NHEJ1: variants seen among roughly 807,000 people sequenced by gnomAD.
NHEJ1 encodes non-homologous end joining factor 1.
Under a neutral mutation model 39.4 loss-of-function variants are expected in NHEJ1, and 22 were observed. That is an observed-to-expected ratio of 0.56 (90% CI 0.40 to 0.80). NHEJ1 has a LOEUF of 0.80. NHEJ1 is among the 30% of genes least tolerant of loss of function. NHEJ1 has a pLI of 0.00. For missense variants in NHEJ1, 329 were observed against 357.1 expected, an observed-to-expected ratio of 0.92 and a Z score of 0.63; for synonymous variants, 154 against 135.6, an observed-to-expected ratio of 1.14 and a Z score of -0.94.
At chr2:219,085,093 C>A (rs908018906) in intron 5 of NHEJ1, among the ~76,000 whole-genome samples, 1 of 152,140 alleles carries the variant, frequency 6.6e-6, no homozygotes, top group Admixed American at 6.5e-5. Context: ...CTGGAAAACA[C>A]AAAAATATGA....
chr2:219,135,506 G>A (rs929044883), intron 5 of NHEJ1, among the ~76,000 whole-genome samples: 22 of 151,866 alleles, frequency 1.4e-4, no homozygotes, highest in African/African-American at 5.3e-4. Context: ...TAATTCAGGA[G>A]GCTGAGGCAG....
At chr2:219,089,062 G>A (rs756352608) in intron 5 of NHEJ1, among the ~76,000 whole-genome samples, 26 of 151,918 alleles carry the variant, frequency 1.7e-4, no homozygotes, top group Non-Finnish European at 3.2e-4. Flanking sequence ...CTCGTGATCC[G>A]CCCGCCTCAG....
chr2:219,135,014 G>A lies in NHEJ1; in HGVS notation c.588+11666C>T, dbSNP rs114085416. Among the ~76,000 whole-genome samples, 861 of 101,670 alleles carry A rather than the reference G, an allele frequency of 8.5e-3. 7 individuals carry two copies. Among genetic ancestry groups the A allele is most frequent in the African/African-American group, 0.031 (819 of 26,830 alleles). 66.7% of individuals were successfully genotyped at this position (101,670 alleles called of 152,430 possible). On this transcript the variant is annotated intron_variant, in intron 5 of 7. Coordinates refer to ENST00000356853, the MANE Select transcript of NHEJ1 (RefSeq NM_024782.3). ...GAGATCGTGCCATTGCACTCCAGCC[G>A]GGCAACAAAAGTGAAACTCCGTCTC...
rs1342491321 is a variant in NHEJ1, at chr2:219,071,501, G to T, written c.*4880C>A. On this transcript the variant is annotated 3_prime_UTR_variant, in exon 8 of 8. Coordinates refer to ENST00000356853, the MANE Select transcript of NHEJ1 (RefSeq NM_024782.3). ...ATGTTAGACAACAATGCCGAGCTGGGATGGGCTTCCCCTTCCAGCTGCCAA... is the reference window on the plus strand; with the variant it reads ...ATGTTAGACAACAATGCCGAGCTGGTATGGGCTTCCCCTTCCAGCTGCCAA... 1.3e-5 allele frequency among the ~76,000 whole-genome samples: 2 copies of T among 152,174 alleles called. No individual in the cohort carries two copies. The highest frequency in any genetic ancestry group is 1.3e-4 in the Admixed American group (2 of 15,276).
intron 5 of NHEJ1, among the ~76,000 whole-genome samples, chr2:219,144,535 T>C (rs781397052): frequency 6.6e-6 from 1 of 152,018 alleles, no homozygotes; most frequent in Admixed American, 6.6e-5. Flanking sequence ...AGAAGATTAA[T>C]AGAAGTTTGC....
At chr2:219,140,589 C>T (rs1301389677) in intron 5 of NHEJ1, among the ~76,000 whole-genome samples, 2 of 152,162 alleles carry the variant, frequency 1.3e-5, no homozygotes, top group African/African-American at 4.8e-5. Flanking sequence ...GTCAGGATGA[C>T]TCCAAGGTTT....
chr2:219,088,986 C>T (rs1672024), intron 5 of NHEJ1, among the ~76,000 whole-genome samples: 1 of 151,896 alleles, frequency 6.6e-6, no homozygotes, highest in South Asian at 2.1e-4. Flanking sequence ...CTAATTTTTT[C>T]TTTTTGTATT....
rs943104740 is a variant in NHEJ1 at position 219,154,989 on chromosome 2, T to C, written c.390+2483A>G. ...TATTATATTACATATATTTATATAT[T>C]AATCTATAATATAGATATACTATAT... On this transcript the variant is annotated intron_variant, in intron 3 of 7. Transcript: ENST00000356853. Among the ~76,000 whole-genome samples, 20 of 147,832 alleles carry C rather than the reference T, an allele frequency of 1.4e-4. No individual in the cohort carries two copies. In the South Asian group the frequency reaches 4.0e-3, roughly 29 times the overall value.
chr2:219,111,207 T>C lies in NHEJ1; in HGVS notation c.589-33001A>G, dbSNP rs1949362477. On this transcript the variant is annotated intron_variant, in intron 5 of 7. Coordinates refer to ENST00000356853, the MANE Select transcript of NHEJ1 (RefSeq NM_024782.3). The surrounding 1 kb of genome is among the most constrained non-coding windows in gnomAD (Gnocchi z 4.1). ...TGATACCCAGACCAATGCTCTATTATTCATAAAAGCATAGACTACTAAAAG... is the reference window on the plus strand; with the variant it reads ...TGATACCCAGACCAATGCTCTATTACTCATAAAAGCATAGACTACTAAAAG... Among the ~76,000 whole-genome samples the C allele has an allele frequency of 1.3e-5, 2 of 152,178 alleles. No homozygotes were observed. Among genetic ancestry groups the C allele is most frequent in the African/African-American group, 4.8e-5 (2 of 41,452 alleles).
chr2:219,119,188 A>T (rs988713801), intron 5 of NHEJ1, among the ~76,000 whole-genome samples: 1 of 152,150 alleles, frequency 6.6e-6, no homozygotes, highest in African/African-American at 2.4e-5. Context: ...AAAAAAAGAA[A>T]CCTATCTGTA....
At chr2:219,079,069 C>T (rs184471632) in intron 5 of NHEJ1, among the ~76,000 whole-genome samples, 1 of 152,342 alleles carries the variant, frequency 6.6e-6, no homozygotes, top group Admixed American at 6.5e-5. Flanking sequence ...TGTGGACTTA[C>T]ATCCACAGCA....
chr2:219,145,847 G>A (rs1013955445), intron 5 of NHEJ1, among the ~76,000 whole-genome samples: 11 of 151,456 alleles, frequency 7.3e-5, no homozygotes, highest in Admixed American at 5.3e-4. Context: ...CAGGATAATC[G>A]CTTGAACCCG....
chr2:219,104,709 AC>A (rs374150733), intron 5 of NHEJ1, among the ~76,000 whole-genome samples: 130 of 151,126 alleles, frequency 8.6e-4, no homozygotes, highest in African/African-American at 3.1e-3. Context: ...GCACCCCCCC[AC>A]ACACACAAAA....
intron 5 of NHEJ1, among the ~76,000 whole-genome samples, chr2:219,083,264 A>G (rs1200438392): frequency 6.6e-6 from 1 of 152,166 alleles, no homozygotes; most frequent in Non-Finnish European, 1.5e-5. Context: ...TTACCATCCA[A>G]ATGAAATCCC....
At chr2:219,080,153 T>C (rs979658706) in intron 5 of NHEJ1, among the ~76,000 whole-genome samples, 3 of 152,154 alleles carry the variant, frequency 2.0e-5, no homozygotes, top group African/African-American at 7.2e-5. Flanking sequence ...AGAGATCTGG[T>C]CCTGCAGTTG....
chr2:219,100,609 TA>T (rs58295341), intron 5 of NHEJ1, among the ~76,000 whole-genome samples: 9,211 of 121,420 alleles, frequency 0.076, 909 homozygotes, highest in African/African-American at 0.24. Flanking sequence ...AGACTGTCTT[TA>T]AAAAAAAAAA....
chr2:219,111,659 A>ACC lies in NHEJ1; in HGVS notation c.589-33454_589-33453insGG, dbSNP rs2106339623. 6.6e-6 allele frequency among the ~76,000 whole-genome samples: 1 copy of ACC among 150,532 alleles called. No homozygotes were observed. Among genetic ancestry groups the ACC allele is most frequent in the South Asian group, 2.1e-4 (1 of 4,770 alleles). On this transcript the variant is annotated intron_variant, in intron 5 of 7. Transcript: ENST00000356853. The surrounding 1 kb of genome is among the most constrained non-coding windows in gnomAD (Gnocchi z 4.1). ...CACACACACACACACACACACACAC[A>ACC]CACAGAGAGATACATACAGTCAGTG...
intron 1 of NHEJ1, chr2:219,160,489 A>C (rs971331036): frequency 9.2e-5 from 14 of 151,710 alleles, no homozygotes; most frequent in African/African-American, 3.4e-4. Flanking sequence ...TCGTCGCACC[A>C]AACAGGCGAC....
At chr2:219,142,477 C>A (rs554705248) in intron 5 of NHEJ1, among the ~76,000 whole-genome samples, 3 of 152,324 alleles carry the variant, frequency 2.0e-5, no homozygotes, top group South Asian at 4.1e-4. Context: ...GGCTCAGTGG[C>A]ATGGCCTTGG....
Sources: gnomAD v4.1 joint callset for allele counts (sites outside exome capture counted in the v4.1 genomes callset) on GRCh38, gnomAD v4.1.1 for gene constraint, Gnocchi (gnomAD v3.1) non-coding constraint, MANE v1.5 for transcripts, NCBI Gene and HGNC (gene_info 2026-07-23, HGNC 2026-07-21) for gene names.